Variants in GRAMD1B observed in about 807,000 individuals in gnomAD.
The protein encoded by GRAMD1B is GRAM domain containing 1B.
GRAMD1B carries 37 observed loss-of-function variants against 99.7 expected under a neutral mutation model. That is an observed-to-expected ratio of 0.37 (90% confidence interval 0.29 to 0.49). GRAMD1B has a LOEUF of 0.49. Ranked by LOEUF, GRAMD1B falls within the 20% of genes least tolerant of loss-of-function variation. The probability of loss-of-function intolerance (pLI) is 0.98; values close to 1 mark genes in which losing one functional copy is unlikely to be tolerated. For missense variants in GRAMD1B, 888 were observed against 1,009.2 expected (o/e 0.88, Z 1.63); for synonymous variants, 427 against 387.6 (o/e 1.10, Z -1.19).
chr11:123,390,038 T>A (rs1184100992), intron 1 of GRAMD1B, among the ~76,000 whole-genome samples: 1 of 151,888 alleles, frequency 6.6e-6, no homozygotes, highest in Non-Finnish European at 1.5e-5. Flanking sequence ...ATTACAGGTG[T>A]GAGCCACTGC....
intron 2 of GRAMD1B, among the ~76,000 whole-genome samples, chr11:123,533,153 T>C (rs1943586751): frequency 6.6e-6 from 1 of 152,040 alleles, no homozygotes; most frequent in Non-Finnish European, 1.5e-5. Flanking sequence ...ATTTTTTTAG[T>C]AGAGACAGGG....
intron 1 of GRAMD1B, among the ~76,000 whole-genome samples, chr11:123,436,308 T>A (rs1949158001): frequency 6.6e-6 from 1 of 152,130 alleles, no homozygotes; most frequent in Non-Finnish European, 1.5e-5. Flanking sequence ...AGACAACCAC[T>A]GATCTATAGA....
At chr11:123,392,695 G>A (rs1281398166) in intron 1 of GRAMD1B, among the ~76,000 whole-genome samples, 4 of 152,096 alleles carry the variant, frequency 2.6e-5, no homozygotes, top group Admixed American at 2.0e-4. Context: ...TTGGGTGACT[G>A]TTGAATGAAT....
chr11:123,607,825 G>T (rs1387248805), intron 11 of GRAMD1B: 1 of 152,268 alleles, frequency 6.6e-6, no homozygotes, highest in Non-Finnish European at 1.5e-5. Flanking sequence ...AAGGGTTCGG[G>T]GGGGAGCACT....
intron 1 of GRAMD1B, among the ~76,000 whole-genome samples, chr11:123,441,946 C>T (rs549752122): frequency 2.0e-5 from 3 of 152,208 alleles, no homozygotes; most frequent in Admixed American, 1.3e-4. Context: ...CTGTGCCTTG[C>T]ACTTCTAGAA....
Position 123,577,360 on chromosome 11 carries a change from GCTGCAGCACTGCCAGTAA to G in GRAMD1B, c.453-4_466del. ...ACCCCGCTCCCTCTCTCCATCTGCCGCTGCAGCACTGCCAGTAACTCCAACCGCAGCACGCCGGCCTGC... is the reference window on the plus strand; with the variant it reads ...ACCCCGCTCCCTCTCTCCATCTGCCGCTCCAACCGCAGCACGCCGGCCTGC... On this transcript the variant is annotated splice_acceptor_variant and splice_polypyrimidine_tract_variant and coding_sequence_variant and intron_variant, in exon 3 of 20. Coordinates refer to ENST00000635736, the MANE Select transcript of GRAMD1B (RefSeq NM_001387025.1). LOFTEE classifies it high-confidence loss of function. 6.4e-7 allele frequency: 1 copy of G among 1,573,042 alleles called. No individual in the cohort carries two copies.
chr11:123,421,055 T>C (rs1948416666), intron 1 of GRAMD1B, among the ~76,000 whole-genome samples: 1 of 152,232 alleles, frequency 6.6e-6, no homozygotes, highest in Non-Finnish European at 1.5e-5. Context: ...ACCACGTAAG[T>C]TAATTGTTTA....
chr11:123,600,002 C>T (rs766623183), intron 7 of GRAMD1B, among the ~76,000 whole-genome samples: 7 of 152,322 alleles, frequency 4.6e-5, no homozygotes, highest in Admixed American at 3.3e-4. Context: ...GGATCTCTTT[C>T]TGTGTTGTTT....
chr11:123,472,344 G>A (rs780327091), intron 1 of GRAMD1B, among the ~76,000 whole-genome samples: 2 of 152,154 alleles, frequency 1.3e-5, no homozygotes, highest in Non-Finnish European at 2.9e-5. Context: ...TAGTGATATG[G>A]TTTCACCCTG....
intron 2 of GRAMD1B, among the ~76,000 whole-genome samples, chr11:123,574,076 TAA>T (rs5795381): frequency 1.5e-4 from 19 of 125,652 alleles, no homozygotes; most frequent in Non-Finnish European, 1.2e-4. Context: ...TGAACAGAAT[TAA>T]AAAAAAAAAA....
rs1955536303 is a variant in GRAMD1B, at chr11:123,626,997, C to A, written c.*4402C>A. On this transcript the variant is annotated 3_prime_UTR_variant, in exon 20 of 20. Transcript: ENST00000635736. Reference sequence around the variant, plus strand: ...TGGCTGTGAAGGGCCCAGCCAGCTCCCTGTTTTGATGTTCTGTGCAACAGC... The same window carrying A: ...TGGCTGTGAAGGGCCCAGCCAGCTCACTGTTTTGATGTTCTGTGCAACAGC... 1 of 152,302 alleles carries A rather than the reference C, an allele frequency of 6.6e-6. No homozygotes were observed. Among genetic ancestry groups the A allele is most frequent in the Non-Finnish European group, 1.5e-5 (1 of 68,162 alleles). The allele number at this position is 152,302 out of a possible 1,614,324, so 9.4% of individuals were successfully genotyped here.
intron 4 of GRAMD1B, among the ~76,000 whole-genome samples, chr11:123,585,185 G>A (rs1048327603): frequency 6.6e-6 from 1 of 152,226 alleles, no homozygotes; most frequent in African/African-American, 2.4e-5. Context: ...GACACACCAG[G>A]TTCTGCTGCA....
At chr11:123,476,749 G>A (rs1014254415) in intron 1 of GRAMD1B, among the ~76,000 whole-genome samples, 6 of 152,214 alleles carry the variant, frequency 3.9e-5, no homozygotes, top group South Asian at 2.1e-4. Flanking sequence ...CTGGGTACAT[G>A]AGAGTGGTAA....
intron 10 of GRAMD1B, 99 bp from the exon 11 acceptor site, chr11:123,606,510 G>T (rs768863090): frequency 9.5e-6 from 10 of 1,051,936 alleles, no homozygotes; most frequent in Non-Finnish European, 1.4e-5. Context: ...AGCTGAGCTG[G>T]GAGTATGAGA....
intron 2 of GRAMD1B, among the ~76,000 whole-genome samples, chr11:123,520,657 C>T (rs1942111561): frequency 6.6e-6 from 1 of 150,512 alleles, no homozygotes; most frequent in Non-Finnish European, 1.5e-5. Flanking sequence ...TGCGTGTCTG[C>T]AATCCCAGCT....
At chr11:123,361,200 G>A (rs1052571726) in intron 1 of GRAMD1B, among the ~76,000 whole-genome samples, 4 of 152,124 alleles carry the variant, frequency 2.6e-5, no homozygotes, top group Non-Finnish European at 5.9e-5. Flanking sequence ...GTCATTTGAT[G>A]TCCTTGCAGA....
intron 1 of GRAMD1B, among the ~76,000 whole-genome samples, chr11:123,425,024 T>C (rs1410446256): frequency 6.6e-6 from 1 of 152,236 alleles, no homozygotes; most frequent in African/African-American, 2.4e-5. Flanking sequence ...GCACTTACTG[T>C]GTGCCAAACT....
intron 2 of GRAMD1B, among the ~76,000 whole-genome samples, chr11:123,513,567 T>TCCTCC (rs1941283631): frequency 1.7e-5 from 2 of 116,742 alleles, no homozygotes; most frequent in African/African-American, 7.5e-5. Context: ...CTTCCTTCCT[T>TCCTCC]CCTTCCTTCC....
chr11:123,527,102 GGGA>G (rs1220050467), intron 2 of GRAMD1B, among the ~76,000 whole-genome samples: 1 of 152,176 alleles, frequency 6.6e-6, no homozygotes, highest in Non-Finnish European at 1.5e-5. Context: ...GGTGGAGGGT[GGGA>G]GGAGGAGGAT....
Sources: allele counts gnomAD v4.1 joint callset (sites outside exome capture counted in the v4.1 genomes callset), GRCh38; gene constraint gnomAD v4.1.1; transcripts MANE v1.5; gene names NCBI Gene and HGNC (gene_info 2026-07-23, HGNC 2026-07-21).